The following ZC3H15 variants were observed in gnomAD, a reference collection of about 807,000 sequenced individuals.
ZC3H15 encodes the protein zinc finger CCCH-type containing 15, also known as zinc finger CCCH domain-containing protein 15.
Under a neutral mutation model 51.2 loss-of-function variants are expected in ZC3H15, and 15 were observed. The ratio of observed to expected loss-of-function variants is 0.29; its 90% CI spans 0.20 to 0.45. The LOEUF is 0.45. Ranked by LOEUF, ZC3H15 falls within the 20% of genes least tolerant of loss-of-function variation. The probability of loss-of-function intolerance (pLI) is 1.00; values close to 1 mark genes in which losing one functional copy is unlikely to be tolerated. For missense variants in ZC3H15, 381 were observed against 494.7 expected (o/e 0.77, Z 2.18); for synonymous variants, 144 against 162.8 (o/e 0.88, Z 0.88).
chr2:186,501,950 T>A (rs1685391979), intron 4 of ZC3H15, among the ~76,000 whole-genome samples: 1 of 152,116 alleles, frequency 6.6e-6, no homozygotes, highest in Non-Finnish European at 1.5e-5. Context: ...GACTTCGTGA[T>A]CTGCCCACGC....
At chr2:186,499,434 C>G (rs1685340929) in intron 2 of ZC3H15, among the ~76,000 whole-genome samples, 1 of 152,152 alleles carries the variant, frequency 6.6e-6, no homozygotes, top group Non-Finnish European at 1.5e-5. Flanking sequence ...TCTTGCCCAT[C>G]AAGAAAAACT....
chr2:186,499,730 T>A, intron 2 of ZC3H15: 1 of 384,424 alleles, frequency 2.6e-6, no homozygotes, highest in Non-Finnish European at 5.1e-6. Flanking sequence ...TTGTTTAATA[T>A]CCTACATTGA....
At chr2:186,504,546 G>A (rs747743081) in intron 6 of ZC3H15, among the ~76,000 whole-genome samples, 7 of 152,124 alleles carry the variant, frequency 4.6e-5, no homozygotes, top group Non-Finnish European at 8.8e-5. Context: ...TTTTCGCCCT[G>A]ATATCTTTTT....
rs1489615538 is a variant in ZC3H15, at chr2:186,501,324, C to T, written c.341C>T (p.Thr114Ile). 1 of 1,613,670 alleles carries T rather than the reference C, an allele frequency of 6.2e-7. No individual in the cohort carries two copies. Among genetic ancestry groups the T allele is most frequent in the Admixed American group, 1.7e-5 (1 of 60,002 alleles). Reference protein sequence around the residue: ...VCAFFKQGQCTKGDKCKFSHD... With the variant: ...VCAFFKQGQCIKGDKCKFSHD... ...GCATTCTTCAAGCAAGGACAGTGTACTAAAGGAGATAAGTGTAAGTTCTCC... is the reference window on the plus strand; with the variant it reads ...GCATTCTTCAAGCAAGGACAGTGTATTAAAGGAGATAAGTGTAAGTTCTCC... Residue 114 changes from threonine to isoleucine, a missense_variant, in exon 4 of 10, where the codon ACT becomes ATT. Physicochemically the swap from Thr to Ile is moderately conservative, Grantham distance 89 (BLOSUM62 -1). Transcript: ENST00000337859.
chr2:186,492,220 C>T (rs1283342998), intron 1 of ZC3H15, among the ~76,000 whole-genome samples: 1 of 152,094 alleles, frequency 6.6e-6, no homozygotes, highest in Non-Finnish European at 1.5e-5. Flanking sequence ...TTTCTAGAGC[C>T]TCCTCTCCCT....
intron 2 of ZC3H15, among the ~76,000 whole-genome samples, chr2:186,497,290 C>G (rs1685297949): frequency 6.6e-6 from 1 of 152,210 alleles, no homozygotes; most frequent in Non-Finnish European, 1.5e-5. Context: ...CTCATGCTGT[C>G]TGCAAATCAG....
Position 186,508,960 on chromosome 2 carries a change from C to A in ZC3H15, c.*227C>A. ...CATGATAAATTGAAAATATAATGGT[C>A]ATTGCAGAAAATGATTGATGTTGTA... is the stretch of plus-strand genomic sequence containing the variant. On this transcript the variant is annotated 3_prime_UTR_variant, in exon 10 of 10. Transcript: ENST00000337859. 1.6e-6 allele frequency: 1 copy of A among 624,836 alleles called. No individual in the cohort carries two copies. Among genetic ancestry groups the A allele is most frequent in the Non-Finnish European group, 2.9e-6 (1 of 340,118 alleles). The allele number at this position is 624,836 out of a possible 1,614,324, so 38.7% of individuals were successfully genotyped here.
chr2:186,505,408 A>C, intron 6 of ZC3H15, 43 bp from the exon 7 acceptor site: 1 of 1,509,342 alleles, frequency 6.6e-7, no homozygotes, highest in Non-Finnish European at 8.8e-7. Context: ...GCACTATTTG[A>C]GGTGACTTCT....
intron 1 of ZC3H15, among the ~76,000 whole-genome samples, chr2:186,489,395 A>G (rs1270367330): frequency 6.6e-6 from 1 of 152,194 alleles, no homozygotes; most frequent in African/African-American, 2.4e-5. Context: ...CTAAAAGCCT[A>G]GCACGTCTCA....
At chr2:186,487,233 T>C (rs1483785558) in intron 1 of ZC3H15, 7 of 152,206 alleles carry the variant, frequency 4.6e-5, no homozygotes, top group Non-Finnish European at 1.5e-5. Flanking sequence ...TGTAGCCCTT[T>C]AATGGCCAAG....
At chr2:186,499,472 G>T (rs1410994507) in intron 2 of ZC3H15, 5 of 371,020 alleles carry the variant, frequency 1.3e-5, no homozygotes, top group Non-Finnish European at 2.6e-5. Flanking sequence ...GCTCAATTTA[G>T]TTTTCTCAGG....
chr2:186,488,539 A>G (rs1299765945), intron 1 of ZC3H15: 1 of 152,200 alleles, frequency 6.6e-6, no homozygotes. Context: ...CTTGTATGGG[A>G]ACCATTACAA....
At chr2:186,505,254 T>C (rs1475657417) in intron 6 of ZC3H15, 197 bp from the exon 7 acceptor site, 2 of 384,370 alleles carry the variant, frequency 5.2e-6, no homozygotes, top group Non-Finnish European at 8.7e-6. Context: ...GAATAATATA[T>C]TTTTAGTGTT....
intron 9 of ZC3H15, chr2:186,507,512 G>A (rs1205029425): frequency 4.4e-6 from 2 of 456,280 alleles, no homozygotes; most frequent in African/African-American, 2.0e-5. Context: ...ATTAGTTATA[G>A]AAGCAATACA....
rs1197631694 is a variant in ZC3H15 at position 186,509,077 on chromosome 2, T to TA, written c.*348dup. The TA allele has an allele frequency of 8.5e-6, 4 of 468,906 alleles. No individual in the cohort carries two copies. Among genetic ancestry groups the TA allele is most frequent in the Admixed American group, 2.3e-5 (1 of 42,738 alleles). The allele number at this position is 468,906 out of a possible 1,614,324, so 29.0% of individuals were successfully genotyped here. ...TTACCAGAAACAACAAACTTATATT[T>TA]AAAATACCCTTCATTTGACACAGTT... On this transcript the variant is annotated 3_prime_UTR_variant, in exon 10 of 10. Coordinates refer to ENST00000337859, the MANE Select transcript of ZC3H15 (RefSeq NM_018471.3).
intron 3 of ZC3H15, chr2:186,500,665 T>G: frequency 2.2e-6 from 1 of 458,730 alleles, no homozygotes; most frequent in Non-Finnish European, 4.4e-6. Flanking sequence ...TTTGCCTTTT[T>G]TTGTTTTTGT....
Position 186,508,740 on chromosome 2 carries a change from A to G in ZC3H15, c.*7A>G. The G allele has an allele frequency of 6.2e-7, 1 of 1,611,958 alleles. No homozygotes were observed. The highest frequency in any genetic ancestry group is 1.7e-5 in the Admixed American group (1 of 59,840). Reference sequence around the variant, plus strand: ...ACTTGATTTAGAAGAATGACACCAAACACATCGCTGAAAAAATTAAGTCAG... The same window carrying G: ...ACTTGATTTAGAAGAATGACACCAAGCACATCGCTGAAAAAATTAAGTCAG... On this transcript the variant is annotated 3_prime_UTR_variant, in exon 10 of 10. Coordinates refer to ENST00000337859, the MANE Select transcript of ZC3H15 (RefSeq NM_018471.3).
intron 1 of ZC3H15, among the ~76,000 whole-genome samples, chr2:186,494,033 G>A (rs577418875): frequency 1.9e-4 from 29 of 151,174 alleles, no homozygotes; most frequent in African/African-American, 6.8e-4. Flanking sequence ...TCATACTTGT[G>A]CAATGGCTTC....
intron 1 of ZC3H15, among the ~76,000 whole-genome samples, chr2:186,494,852 G>A (rs1482324935): frequency 6.6e-6 from 1 of 152,064 alleles, no homozygotes; most frequent in Non-Finnish European, 1.5e-5. Flanking sequence ...AGCATTAGGA[G>A]ATGTACCTAA....
Sources: gnomAD v4.1 joint callset for allele counts (sites outside exome capture counted in the v4.1 genomes callset) on GRCh38, gnomAD v4.1.1 for gene constraint, MANE v1.5 for transcripts, NCBI Gene and HGNC (gene_info 2026-07-23, HGNC 2026-07-21) for gene names.